The following SLIT3 variants were observed in gnomAD, a reference collection of about 807,000 sequenced individuals.
The protein encoded by SLIT3 is slit homolog 3 protein.
Under a neutral mutation model 184.0 loss-of-function variants are expected in SLIT3, and 68 were observed. That is an observed-to-expected ratio of 0.37 (90% CI 0.30 to 0.45). The LOEUF (loss-of-function observed/expected upper bound fraction) is 0.45. Among genes scored for constraint, SLIT3 ranks in the 20% least tolerant of loss-of-function variants. The probability of loss-of-function intolerance (pLI) is 1.00; values close to 1 mark genes in which losing one functional copy is unlikely to be tolerated. For synonymous variants in SLIT3, 831 were observed against 828.6 expected (o/e 1.00, Z -0.05); for missense variants, 1,707 against 2,026.0 (o/e 0.84, Z 3.02).
At chr5:169,091,811 A>G (rs1397754110) in intron 4 of SLIT3, among the ~76,000 whole-genome samples, 1 of 152,220 alleles carries the variant, frequency 6.6e-6, no homozygotes, top group Non-Finnish European at 1.5e-5. Flanking sequence ...TGCTCTGAAC[A>G]TATTTAGTCT....
chr5:168,885,656 A>G (rs1335788369), intron 4 of SLIT3, among the ~76,000 whole-genome samples: 2 of 152,178 alleles, frequency 1.3e-5, no homozygotes, highest in Non-Finnish European at 2.9e-5. Context: ...GCTCTGGAAG[A>G]TGAGCCCCAG....
At chr5:168,998,439 C>T (rs1292521226) in intron 4 of SLIT3, among the ~76,000 whole-genome samples, 5 of 152,154 alleles carry the variant, frequency 3.3e-5, no homozygotes, top group Non-Finnish European at 7.4e-5. Flanking sequence ...GGCGCGGTGG[C>T]TCAGGCCTAT....
chr5:168,673,473 C>CA, intron 32 of SLIT3, 142 bp from the exon 33 acceptor site: 2 of 796,320 alleles, frequency 2.5e-6, no homozygotes, highest in Non-Finnish European at 3.9e-6. Flanking sequence ...ACATAAGTTG[C>CA]AAAAATAAAA....
intron 4 of SLIT3, among the ~76,000 whole-genome samples, chr5:168,889,684 A>C (rs1760367015): frequency 6.6e-6 from 1 of 152,242 alleles, no homozygotes. Context: ...TCCCTCAAAA[A>C]TGAATTGAAT....
At chr5:169,131,487 G>A (rs1451412976) in intron 4 of SLIT3, among the ~76,000 whole-genome samples, 1 of 152,182 alleles carries the variant, frequency 6.6e-6, no homozygotes, top group East Asian at 1.9e-4. Flanking sequence ...CTTCTGAGAA[G>A]GGCTCTTGTC....
intron 7 of SLIT3, 36 bp downstream of exon 7, chr5:168,823,224 G>A (rs542982574): frequency 1.3e-6 from 2 of 1,551,354 alleles, no homozygotes; most frequent in Non-Finnish European, 1.8e-6. Flanking sequence ...GTGAGGTAGG[G>A]AGAAAATGGG....
At chr5:169,195,834 C>G (rs1027398877) in intron 3 of SLIT3, among the ~76,000 whole-genome samples, 3 of 151,980 alleles carry the variant, frequency 2.0e-5, no homozygotes, top group Admixed American at 6.6e-5. Flanking sequence ...CTGAGGGAAG[C>G]CTGACTCTTA....
intron 12 of SLIT3, among the ~76,000 whole-genome samples, chr5:168,783,989 T>C (rs1756064860): frequency 6.6e-6 from 1 of 152,228 alleles, no homozygotes; most frequent in Admixed American, 6.5e-5. Flanking sequence ...TGGCTGCTAT[T>C]AGCTTGGAGC....
chr5:168,888,696 C>T (rs1004292024), intron 4 of SLIT3, among the ~76,000 whole-genome samples: 3 of 152,016 alleles, frequency 2.0e-5, no homozygotes, highest in African/African-American at 7.2e-5. Context: ...CAATGTGGTG[C>T]CTTTTCAATA....
chr5:168,844,692 G>T (rs1281580981), intron 5 of SLIT3, 37 bp from the exon 6 acceptor site: 1 of 1,605,660 alleles, frequency 6.2e-7, no homozygotes, highest in Admixed American at 1.7e-5. Flanking sequence ...AGGCTGAGCG[G>T]GGGCAGCGTG....
At chr5:168,724,198 A>G (rs17070423) in intron 21 of SLIT3, among the ~76,000 whole-genome samples, 8,326 of 152,214 alleles carry the variant, frequency 0.055, 248 homozygotes, top group African/African-American at 0.094. Flanking sequence ...TCAGCTTTTC[A>G]GAGAAGGTCT....
At chr5:168,877,785 C>T (rs1759788210) in intron 5 of SLIT3, among the ~76,000 whole-genome samples, 1 of 152,126 alleles carries the variant, frequency 6.6e-6, no homozygotes, top group South Asian at 2.1e-4. Flanking sequence ...GAATGCATGT[C>T]CTACACAGTC....
chr5:168,878,717 C>CTTTTTT (rs35132944), intron 5 of SLIT3, among the ~76,000 whole-genome samples: 6 of 140,752 alleles, frequency 4.3e-5, no homozygotes, highest in Admixed American at 3.5e-4. Context: ...CAGTTTCTTC[C>CTTTTTT]TTTTTTTTTT....
rs570368846 is a variant in SLIT3 at position 169,146,409 on chromosome 5, C to G, written c.413+47070G>C. On this transcript the variant is annotated intron_variant, in intron 4 of 35. Coordinates refer to ENST00000519560, the MANE Select transcript of SLIT3 (RefSeq NM_003062.4). Reference sequence around the variant, plus strand: ...CAAACGAGGGAATCTACTGCCCTGACGGAGCCTGATGCCTCCCGGGATTCC... The same window carrying G: ...CAAACGAGGGAATCTACTGCCCTGAGGGAGCCTGATGCCTCCCGGGATTCC... Among the ~76,000 whole-genome samples, 6 of 152,320 alleles carry G rather than the reference C, an allele frequency of 3.9e-5. No homozygotes were observed. In the East Asian group the frequency reaches 7.7e-4, roughly 20 times the overall value.
chr5:168,856,351 A>G (rs1267816659), intron 5 of SLIT3, among the ~76,000 whole-genome samples: 1 of 152,180 alleles, frequency 6.6e-6, no homozygotes, highest in African/African-American at 2.4e-5. Flanking sequence ...GAAGCCTAGG[A>G]CCAGATCTTA....
At chr5:169,036,870 G>A (rs1412112309) in intron 4 of SLIT3, among the ~76,000 whole-genome samples, 4 of 152,150 alleles carry the variant, frequency 2.6e-5, no homozygotes, top group Admixed American at 2.6e-4. Context: ...AGAGCAAAGC[G>A]CTGGTTTCTC....
intron 1 of SLIT3, among the ~76,000 whole-genome samples, chr5:169,261,235 T>C (rs1231839595): frequency 6.6e-6 from 1 of 152,158 alleles, no homozygotes; most frequent in African/African-American, 2.4e-5. Context: ...GACATTTTAA[T>C]TGAGACCTCA....
chr5:168,671,587 G>A (rs55806129), intron 33 of SLIT3, 104 bp from the exon 34 acceptor site: 246,001 of 1,289,652 alleles, frequency 0.19, 26,881 homozygotes, highest in Non-Finnish European at 0.22. Flanking sequence ...CAGAACTCTG[G>A]GCCTCTGCTG....
intron 4 of SLIT3, among the ~76,000 whole-genome samples, chr5:169,097,280 C>G (rs184887298): frequency 9.1e-4 from 139 of 152,250 alleles, no homozygotes; most frequent in Admixed American, 1.6e-3. Context: ...TTCTTCCCCA[C>G]TTAGTCCATT....
Sources: gnomAD v4.1 joint callset for allele counts (sites outside exome capture counted in the v4.1 genomes callset) on GRCh38, gnomAD v4.1.1 for gene constraint, MANE v1.5 for transcripts, NCBI Gene and HGNC (gene_info 2026-07-23, HGNC 2026-07-21) for gene names.